Variants in CYP3A5 observed in about 807,000 individuals in gnomAD.
The protein encoded by CYP3A5 is cytochrome P450 3A5.
In CYP3A5, 51 loss-of-function variants were observed where a neutral mutation model predicts 55.9. The observed-to-expected ratio is 0.91, with a 90% confidence interval of 0.73 to 1.15. The LOEUF is 1.15. Among genes scored for constraint, CYP3A5 ranks in the 50% most tolerant of loss-of-function variants. CYP3A5 has a pLI of 0.00. For missense variants in CYP3A5, 533 were observed against 596.6 expected (o/e 0.89, Z 1.11); for synonymous variants, 196 against 213.9 (o/e 0.92, Z 0.73).
chr7:99,650,453 T>G (rs1809064174), intron 11 of CYP3A5, among the ~76,000 whole-genome samples: 1 of 152,184 alleles, frequency 6.6e-6, no homozygotes, highest in Admixed American at 6.5e-5. Context: ...GAGCGTTTCT[T>G]GAGATGAGAT....
intron 3 of CYP3A5, among the ~76,000 whole-genome samples, chr7:99,673,210 C>A (rs1016713499): frequency 1.3e-5 from 2 of 152,186 alleles, no homozygotes; most frequent in African/African-American, 4.8e-5. Context: ...GCCATGCCAG[C>A]TCCACAGCAC....
At position 99,679,825 on chromosome 7, in the gene CYP3A5, C is replaced by T. The variant is rs1278659430; in HGVS notation, c.71+1G>A. On this transcript the variant is annotated splice_donor_variant, in intron 1 of 12. Coordinates refer to ENST00000222982, the MANE Select transcript of CYP3A5 (RefSeq NM_000777.5). LOFTEE classifies it high-confidence loss of function. Reference sequence around the variant, plus strand: ...AGAGAGGAGTTTGGACAGTTACTCACAGATAGAGGAGCACCAGGCTGACAG... The same window carrying T: ...AGAGAGGAGTTTGGACAGTTACTCATAGATAGAGGAGCACCAGGCTGACAG... 3.1e-6 allele frequency: 5 copies of T among 1,614,122 alleles called. No individual in the cohort carries two copies. In the South Asian group the frequency reaches 3.3e-5, roughly 11 times the overall value.
At chr7:99,676,502 G>A (rs766951086) in intron 1 of CYP3A5, 1 of 1,388,190 alleles carries the variant, frequency 7.2e-7, no homozygotes. Flanking sequence ...GTTCAGGCAG[G>A]AATTCTTCCA....
At position 99,672,113 on chromosome 7, in the gene CYP3A5, G is replaced by A. The variant is rs867238740; in HGVS notation, c.318+467C>T. On this transcript the variant is annotated intron_variant, in intron 4 of 12. Coordinates refer to ENST00000222982, the MANE Select transcript of CYP3A5 (RefSeq NM_000777.5). ...GTTGCCCAGACTGGAGTATAATGGCGTGATCTCGGCTCACTGCAACCTCCG... is the reference window on the plus strand; with the variant it reads ...GTTGCCCAGACTGGAGTATAATGGCATGATCTCGGCTCACTGCAACCTCCG... Among the ~76,000 whole-genome samples the A allele has an allele frequency of 8.5e-5, 13 of 152,220 alleles. 1 individual carries two copies. In the South Asian group the frequency reaches 1.9e-3, roughly 22 times the overall value.
In CYP3A5 at chr7:99,672,682, G is replaced by T. The variant is rs551764170; in HGVS notation, c.219-3C>A. 5.6e-6 allele frequency: 9 copies of T among 1,614,046 alleles called. No homozygotes were observed. The highest frequency in any genetic ancestry group is 3.3e-5 in the Admixed American group (2 of 60,018). On this transcript the variant is annotated splice_region_variant and splice_polypyrimidine_tract_variant and intron_variant, in intron 3 of 12. Transcript: ENST00000222982. The stretch of plus-strand genomic sequence containing the variant: ...CAGGGAGTTGACCTTCATACGTTCT[G>T]TGTGGGGACAACGGAGCTGATTAAA...
At chr7:99,654,784 G>T (rs1273701971) in intron 10 of CYP3A5, among the ~76,000 whole-genome samples, 1 of 152,160 alleles carries the variant, frequency 6.6e-6, no homozygotes, top group Non-Finnish European at 1.5e-5. Context: ...TCTAACTGGC[G>T]TGAGATGGTA....
At chr7:99,659,762 G>A (rs1222655447) in intron 10 of CYP3A5, 1 of 153,320 alleles carries the variant, frequency 6.5e-6, no homozygotes, top group African/African-American at 2.4e-5. Flanking sequence ...ACCTACTCAA[G>A]CCTTAGCAAT....
At chr7:99,655,954 G>A (rs1312125076) in intron 10 of CYP3A5, among the ~76,000 whole-genome samples, 2 of 152,152 alleles carry the variant, frequency 1.3e-5, no homozygotes, top group Admixed American at 1.3e-4. Context: ...TGCTGAAGTT[G>A]TTTATCAGCT....
At chr7:99,667,209 A>G (rs1030276268) in intron 4 of CYP3A5, 144 bp from the exon 5 acceptor site, 13 of 401,892 alleles carry the variant, frequency 3.2e-5, no homozygotes, top group Middle Eastern at 4.4e-4. Flanking sequence ...AAGATGCTCA[A>G]TGGAGATCCT....
intron 11 of CYP3A5, chr7:99,652,250 C>T (rs1056468119): frequency 6.1e-5 from 10 of 163,612 alleles, no homozygotes; most frequent in Admixed American, 1.2e-4. Context: ...ATCAAGTAAG[C>T]AGCAATTCAA....
At position 99,652,640 on chromosome 7, in the gene CYP3A5, G is replaced by A; in HGVS notation, c.1166C>T (p.Pro389Leu). The part of the protein sequence containing the change: ...KDVEINGVFI[P>L]KGSMVVIPTY... ...TGGAATCACCACCATTGACCCTTTG[G>A]GAATGAATACCCCATTGATTTCAAC... The change falls in exon 11 of 13, where the codon CCC (proline) becomes CTC (leucine). Residue 389 changes from proline (P) to leucine (L), a missense_variant. Pro to Leu is a moderately conservative substitution (Grantham distance 98, BLOSUM62 -3). Coordinates refer to ENST00000222982, the MANE Select transcript of CYP3A5 (RefSeq NM_000777.5). 1 of 1,613,992 alleles carries A rather than the reference G, an allele frequency of 6.2e-7. No individual in the cohort carries two copies. The highest frequency in any genetic ancestry group is 8.5e-7 in the Non-Finnish European group (1 of 1,179,996).
In CYP3A5 at chr7:99,662,669, AGCTACCAT is replaced by A; in HGVS notation, c.865+139_865+146del. 1 of 746,436 alleles carries A rather than the reference AGCTACCAT, an allele frequency of 1.3e-6. No individual in the cohort carries two copies. Among genetic ancestry groups the A allele is most frequent in the Non-Finnish European group, 2.2e-6 (1 of 456,780 alleles). The allele number at this position is 746,436 out of a possible 1,614,324, so 46.2% of individuals were successfully genotyped here. A position where few individuals can be genotyped will look rare whatever the true frequency, so the allele number is the denominator to read the frequency against. On this transcript the variant is annotated intron_variant, in intron 9 of 12. Coordinates refer to ENST00000222982, the MANE Select transcript of CYP3A5 (RefSeq NM_000777.5). This position sits in a 1 kb window ranked among gnomAD's most constrained non-coding sequence, Gnocchi z 4.3. ...CTGTGGGCTTCTGGAAAGTGCCTCC[AGCTACCAT>A]TTATAACATCTAAATGTGTGTTGTT...
intron 4 of CYP3A5, among the ~76,000 whole-genome samples, chr7:99,668,130 A>G (rs982269340): frequency 6.6e-6 from 1 of 152,254 alleles, no homozygotes; most frequent in Admixed American, 6.5e-5. Context: ...TCACATTTCT[A>G]TGTAACAATA....
intron 10 of CYP3A5, chr7:99,660,195 C>T (rs966522023): frequency 4.4e-5 from 44 of 995,282 alleles, no homozygotes; most frequent in Non-Finnish European, 5.1e-5. Context: ...TCCTGTTTGG[C>T]CATCTTCTCG....
At position 99,666,950 on chromosome 7, in the gene CYP3A5, A is replaced by G. The variant is rs55965422; in HGVS notation, c.432+2T>C. ...TAATTAAGACTCATCTTATTTTCAT[A>G]CCTCCTTGAGTTTTCCGCTGGTGAA... On this transcript the variant is annotated splice_donor_variant, in intron 5 of 12. Coordinates refer to ENST00000222982, the MANE Select transcript of CYP3A5 (RefSeq NM_000777.5). LOFTEE classifies it high-confidence loss of function. 279 of 1,613,102 alleles carry G rather than the reference A, an allele frequency of 1.7e-4. 1 individual carries two copies. In the East Asian group the frequency reaches 5.9e-3, roughly 34 times the overall value.
intron 2 of CYP3A5, among the ~76,000 whole-genome samples, chr7:99,675,623 TTTTCTC>T (rs1812154252): frequency 9.9e-6 from 1 of 101,466 alleles, no homozygotes; most frequent in Non-Finnish European, 2.0e-5. Flanking sequence ...TCTCCTCTCC[TTTTCTC>T]TCCTCTCCTC....
In CYP3A5 at chr7:99,662,947, G is replaced by A. The variant is rs1810595309; in HGVS notation, c.799-65C>T. On this transcript the variant is annotated intron_variant, in intron 8 of 12. Transcript: ENST00000222982. This position sits in a 1 kb window ranked among gnomAD's most constrained non-coding sequence, Gnocchi z 4.3. ...TCGTGAAGTCAGAAGTAAATCAAAA[G>A]TGCAGTCCTCAACCTCCCTTCTTGA... 2.5e-6 allele frequency: 4 copies of A among 1,603,722 alleles called. No individual in the cohort carries two copies. In the South Asian group the frequency reaches 3.3e-5, roughly 13 times the overall value.
intron 12 of CYP3A5, 80 bp from the exon 13 acceptor site, chr7:99,648,480 TGA>T: frequency 8.6e-7 from 1 of 1,157,210 alleles, no homozygotes; most frequent in Non-Finnish European, 1.2e-6. Context: ...AGAAAAAATA[TGA>T]CAAAAATGCT....
chr7:99,663,381 C>G lies in CYP3A5; in HGVS notation c.799-499G>C, dbSNP rs1423941742. The G allele has an allele frequency of 3.0e-6, 3 of 991,526 alleles. No homozygotes were observed. In the Admixed American group the frequency reaches 1.7e-4, roughly 56 times the overall value. 61.4% of individuals were successfully genotyped at this position (991,526 alleles called of 1,614,324 possible). A position where few individuals can be genotyped will look rare whatever the true frequency, so the allele number is the denominator to read the frequency against. ...TTCAGTGACAGCTGGGTTACCTGGTCCTGTCTCCCTGACCTGCAGACATCC... is the reference window on the plus strand; with the variant it reads ...TTCAGTGACAGCTGGGTTACCTGGTGCTGTCTCCCTGACCTGCAGACATCC... On this transcript the variant is annotated intron_variant, in intron 8 of 12. Coordinates refer to ENST00000222982, the MANE Select transcript of CYP3A5 (RefSeq NM_000777.5).
Sources: gnomAD v4.1 joint callset for allele counts (sites outside exome capture counted in the v4.1 genomes callset) on GRCh38, gnomAD v4.1.1 for gene constraint, Gnocchi (gnomAD v3.1) non-coding constraint, MANE v1.5 for transcripts, NCBI Gene and HGNC (gene_info 2026-07-23, HGNC 2026-07-21) for gene names.